RBM43: variants seen among roughly 807,000 people sequenced by gnomAD.
RBM43 encodes the protein RNA binding motif protein 43.
A neutral mutation model predicts 12.4 loss-of-function variants in RBM43; 12 were observed. The ratio of observed to expected loss-of-function variants is 0.97; its 90% CI spans 0.62 to 1.57. The LOEUF is 1.57. Ranked by LOEUF, RBM43 falls within the 40% of genes most tolerant of loss-of-function variation. The pLI, the probability that RBM43 is intolerant of heterozygous loss-of-function variation, is 0.00. For missense variants in RBM43, 348 were observed against 400.1 expected (o/e 0.87, Z 1.11); for synonymous variants, 138 against 145.7 (o/e 0.95, Z 0.38).
At chr2:151,257,353 G>A (rs1249285788) in intron 1 of RBM43, among the ~76,000 whole-genome samples, 1 of 151,808 alleles carries the variant, frequency 6.6e-6, no homozygotes, top group Non-Finnish European at 1.5e-5. Flanking sequence ...CACACACACA[G>A]TGTCCTGTCC....
At chr2:151,253,857 G>A (rs1296700189) in intron 2 of RBM43, among the ~76,000 whole-genome samples, 1 of 151,868 alleles carries the variant, frequency 6.6e-6, no homozygotes, top group African/African-American at 2.4e-5. Context: ...CACACACCCA[G>A]CATGCTCCCC....
At chr2:151,259,829 T>C (rs533313509) in intron 1 of RBM43, among the ~76,000 whole-genome samples, 25 of 152,182 alleles carry the variant, frequency 1.6e-4, no homozygotes, top group African/African-American at 5.8e-4. Context: ...CATTTGTTTT[T>C]ATTTCTTTTG....
chr2:151,259,234 C>T (rs1683015292), intron 1 of RBM43, among the ~76,000 whole-genome samples: 1 of 151,994 alleles, frequency 6.6e-6, no homozygotes, highest in African/African-American at 2.4e-5. Context: ...AGGAAAAATA[C>T]ACATAACACT....
At chr2:151,253,762 C>T (rs1212599743) in intron 2 of RBM43, among the ~76,000 whole-genome samples, 1 of 152,106 alleles carries the variant, frequency 6.6e-6, no homozygotes, top group African/African-American at 2.4e-5. Flanking sequence ...CATAAACTGG[C>T]CCCGGCTCCC....
rs144395105 is a variant in RBM43 at position 151,255,989 on chromosome 2, T to A, written c.4-246A>T. Among the ~76,000 whole-genome samples, 1,137 of 152,110 alleles carry A rather than the reference T, an allele frequency of 7.5e-3. 27 individuals are homozygous for A. The East Asian group carries it at 0.085, about 11-fold the overall frequency. ...TCTTTTTTTCTTTTTTGAGATGGAGTCTCACTCTGTCACCCAGGCTGGAGT... is the reference window on the plus strand; with the variant it reads ...TCTTTTTTTCTTTTTTGAGATGGAGACTCACTCTGTCACCCAGGCTGGAGT... On this transcript the variant is annotated intron_variant, in intron 1 of 3. Coordinates refer to ENST00000331426, the MANE Select transcript of RBM43 (RefSeq NM_198557.3).
chr2:151,261,516 A>AG, intron 1 of RBM43: 2 of 1,549,498 alleles, frequency 1.3e-6, no homozygotes, highest in Non-Finnish European at 8.7e-7. Context: ...CCACCTGGGA[A>AG]GGGTGCAGCG....
At chr2:151,251,797 TC>T in intron 3 of RBM43, 133 bp from the exon 4 acceptor site, 1 of 829,470 alleles carries the variant, frequency 1.2e-6, no homozygotes, top group South Asian at 1.9e-5. Context: ...GCCCCAGACT[TC>T]CTGACTTCTT....
Position 151,250,841 on chromosome 2 carries a change from T to A in RBM43, c.*65A>T. 1.7e-6 allele frequency: 2 copies of A among 1,197,240 alleles called. No homozygotes were observed. The highest frequency in any genetic ancestry group is 1.5e-5 in the South Asian group (1 of 65,992). 74.2% of individuals were successfully genotyped at this position (1,197,240 alleles called of 1,614,324 possible). Reference sequence around the variant, plus strand: ...GATACGGTGTGTAAAGCTAGCCTCATTCATGGCAATGGTCACTGCTCAGCA... The same window carrying A: ...GATACGGTGTGTAAAGCTAGCCTCAATCATGGCAATGGTCACTGCTCAGCA... On this transcript the variant is annotated 3_prime_UTR_variant, in exon 4 of 4. Transcript: ENST00000331426.
At position 151,255,586 on chromosome 2, in the gene RBM43, A is replaced by T; in HGVS notation, c.161T>A (p.Ile54Lys). 2 of 1,613,910 alleles carry T rather than the reference A, an allele frequency of 1.2e-6. No individual in the cohort carries two copies. The highest frequency in any genetic ancestry group is 1.7e-6 in the Non-Finnish European group (2 of 1,179,930). Residue 54 changes from isoleucine (I) to lysine (K), a missense_variant, in exon 2 of 4, where the codon ATA (isoleucine) becomes AAA (lysine). Physicochemically the swap from Ile to Lys is moderately radical, Grantham distance 102. Transcript: ENST00000331426. ...KNEGGDVEDVIYPTRTKGVAY... is the reference protein window; with the variant it reads ...KNEGGDVEDVKYPTRTKGVAY... Reference sequence around the variant, plus strand: ...AACTCCCTTGGTTCTTGTCGGATATATCACATCTTCAACATCTCCGCCCTC... The same window carrying T: ...AACTCCCTTGGTTCTTGTCGGATATTTCACATCTTCAACATCTCCGCCCTC...
At chr2:151,260,877 TTG>T (rs1683037695) in intron 1 of RBM43, 1 of 238,720 alleles carries the variant, frequency 4.2e-6, no homozygotes, top group East Asian at 1.0e-4. Context: ...TGCATCAGTA[TTG>T]TGTTATAACA....
chr2:151,259,190 C>G (rs1210157540), intron 1 of RBM43, among the ~76,000 whole-genome samples: 2 of 151,574 alleles, frequency 1.3e-5, no homozygotes, highest in African/African-American at 4.8e-5. Context: ...TCCATTTGAC[C>G]CATTTGCTGG....
chr2:151,253,524 T>C (rs964819727), intron 2 of RBM43, among the ~76,000 whole-genome samples: 2 of 152,104 alleles, frequency 1.3e-5, no homozygotes, highest in Non-Finnish European at 1.5e-5. Context: ...CCACAGAAAA[T>C]GATATTTAAT....
chr2:151,260,722 T>A (rs1558870935), intron 1 of RBM43, among the ~76,000 whole-genome samples: 1 of 152,218 alleles, frequency 6.6e-6, no homozygotes, highest in East Asian at 1.9e-4. Context: ...ATAATTTTAC[T>A]GAGGTCAATT....
Position 151,249,909 on chromosome 2 carries a change from T to TC in RBM43, c.*996dup, listed in dbSNP as rs963269570. 6.6e-6 allele frequency: 1 copy of TC among 152,160 alleles called. No individual in the cohort carries two copies. Among genetic ancestry groups the TC allele is most frequent in the African/African-American group, 2.4e-5 (1 of 41,440 alleles). The allele number at this position is 152,160 out of a possible 1,614,324, so 9.4% of individuals were successfully genotyped here. A position where few individuals can be genotyped will look rare whatever the true frequency, so the allele number is the denominator to read the frequency against. ...AATATTATGTGTCCCAAGTACTTTT[T>TC]CCCCCTAGCTTCTTGAGTCTGTTTT... On this transcript the variant is annotated 3_prime_UTR_variant, in exon 4 of 4. Coordinates refer to ENST00000331426, the MANE Select transcript of RBM43 (RefSeq NM_198557.3).
At chr2:151,260,508 C>T (rs910690457) in intron 1 of RBM43, among the ~76,000 whole-genome samples, 10 of 152,040 alleles carry the variant, frequency 6.6e-5, no homozygotes, top group Admixed American at 6.6e-4. Context: ...TTTCTTTATT[C>T]GAATGTCTAC....
intron 1 of RBM43, among the ~76,000 whole-genome samples, chr2:151,256,900 C>T (rs1288372479): frequency 6.6e-6 from 1 of 152,170 alleles, no homozygotes; most frequent in Non-Finnish European, 1.5e-5. Context: ...CAGCACATAT[C>T]GGACATGAAA....
intron 1 of RBM43, chr2:151,261,512 G>A: frequency 6.5e-7 from 1 of 1,549,744 alleles, no homozygotes. Flanking sequence ...GCCGCCACCT[G>A]GGAAGGGTGC....
Position 151,251,407 on chromosome 2 carries a change from ATTT to A in RBM43, c.570_572del (p.Gln190_Asn191delinsHis). 3.7e-6 allele frequency: 6 copies of A among 1,614,136 alleles called. No individual in the cohort carries two copies. Among genetic ancestry groups the A allele is most frequent in the African/African-American group, 1.3e-5 (1 of 75,042 alleles). ...TACTTCTCTGTAGATTCCTCTGGGG[ATTT>A]TGTCTATTCCACTTTCTCTCCTCAC... On this transcript the variant is annotated inframe_deletion, in exon 4 of 4. Transcript: ENST00000331426.
rs1256807679 is a variant in RBM43 at position 151,252,788 on chromosome 2, T to C, written c.282A>G (p.Thr94=). 1 of 1,609,748 alleles carries C rather than the reference T, an allele frequency of 6.2e-7. No homozygotes were observed. The highest frequency in any genetic ancestry group is 2.2e-5 in the East Asian group (1 of 44,834). ...CAAAATGAGAGACTCTGAGAGAGAC[T>C]GTGAGTTCAGCATGTCTAGTCTTCC... ...LARKTRHAEL[T]VSLRVSHFGD... The change falls in exon 3 of 4, where the codon ACA becomes ACG. Residue 94 remains threonine, a synonymous_variant. Coordinates refer to ENST00000331426, the MANE Select transcript of RBM43 (RefSeq NM_198557.3).
Sources: gnomAD v4.1 joint callset for allele counts (sites outside exome capture counted in the v4.1 genomes callset) on GRCh38, gnomAD v4.1.1 for gene constraint, MANE v1.5 for transcripts, NCBI Gene and HGNC (gene_info 2026-07-23, HGNC 2026-07-21) for gene names.